The following TRAF3 variants were observed in gnomAD, a reference collection of about 807,000 sequenced individuals.
The protein encoded by TRAF3 is TNF receptor-associated factor 3.
A neutral mutation model predicts 62.3 loss-of-function variants in TRAF3; 13 were observed. That is an observed-to-expected ratio of 0.21 (90% CI 0.14 to 0.33). TRAF3 has a LOEUF of 0.33. TRAF3 is among the 10% of genes least tolerant of loss of function. The pLI is 1.00. For synonymous variants in TRAF3, 269 were observed against 283.4 expected (o/e 0.95, Z 0.51); for missense variants, 440 against 741.8 (o/e 0.59, Z 4.73).
chr14:102,873,982 G>C (rs574616929), intron 4 of TRAF3, among the ~76,000 whole-genome samples: 2 of 152,252 alleles, frequency 1.3e-5, no homozygotes, highest in East Asian at 3.9e-4. Context: ...AGAGGGAGCT[G>C]GGCATGGTGC....
intron 2 of TRAF3, among the ~76,000 whole-genome samples, chr14:102,834,494 C>T (rs756973496): frequency 2.0e-5 from 3 of 151,668 alleles, no homozygotes; most frequent in Middle Eastern, 6.8e-3. Flanking sequence ...GTCAGGAGAT[C>T]GAGACCACAG....
intron 1 of TRAF3, among the ~76,000 whole-genome samples, chr14:102,793,225 C>T (rs1056129944): frequency 1.3e-5 from 2 of 152,102 alleles, no homozygotes; most frequent in Non-Finnish European, 2.9e-5. Context: ...GATCTTGGCT[C>T]ACTGCAGCCT....
At chr14:102,811,619 A>G (rs1322096685) in intron 1 of TRAF3, among the ~76,000 whole-genome samples, 1 of 130,562 alleles carries the variant, frequency 7.7e-6, no homozygotes, top group Non-Finnish European at 1.5e-5. Context: ...CTTGTCTCAT[A>G]GTGCAAAGGC....
chr14:102,875,237 T>C (rs1237807693), intron 4 of TRAF3, among the ~76,000 whole-genome samples: 1 of 152,210 alleles, frequency 6.6e-6, no homozygotes, highest in African/African-American at 2.4e-5. Flanking sequence ...TGCACCATAA[T>C]GGCCACCTGC....
chr14:102,782,971 A>G (rs1207773812), intron 1 of TRAF3, among the ~76,000 whole-genome samples: 1 of 152,220 alleles, frequency 6.6e-6, no homozygotes, highest in Non-Finnish European at 1.5e-5. Context: ...TCCAGGAGTC[A>G]TGAGAATTGT....
At chr14:102,829,909 C>T (rs943707935) in intron 1 of TRAF3, among the ~76,000 whole-genome samples, 8 of 152,114 alleles carry the variant, frequency 5.3e-5, no homozygotes, top group Non-Finnish European at 1.2e-4. Context: ...GCAGGAGGAT[C>T]GCTTGAGCCC....
At chr14:102,805,357 T>A (rs1898706396) in intron 1 of TRAF3, among the ~76,000 whole-genome samples, 1 of 152,210 alleles carries the variant, frequency 6.6e-6, no homozygotes, top group African/African-American at 2.4e-5. Context: ...CCCAAGTGAT[T>A]TAAAGTGTGT....
At chr14:102,829,074 C>G (rs1219321623) in intron 1 of TRAF3, among the ~76,000 whole-genome samples, 1 of 152,154 alleles carries the variant, frequency 6.6e-6, no homozygotes, top group Non-Finnish European at 1.5e-5. Context: ...AGCTGCTGCT[C>G]TTCGTTTATC....
rs2139974257 is a variant in TRAF3, at chr14:102,897,249, T to C, written c.820-12T>C. ...ACTTTTGGTTACATTAATTAAAGAA[T>C]TTCTTTTTTAGGTTTCCTTGTTGCA... On this transcript the variant is annotated splice_polypyrimidine_tract_variant and intron_variant, in intron 9 of 11. Coordinates refer to ENST00000392745, the MANE Select transcript of TRAF3 (RefSeq NM_145725.3). 1 of 1,608,830 alleles carries C rather than the reference T, an allele frequency of 6.2e-7. No individual in the cohort carries two copies. Among genetic ancestry groups the C allele is most frequent in the Non-Finnish European group, 8.5e-7 (1 of 1,177,306 alleles).
intron 4 of TRAF3, among the ~76,000 whole-genome samples, chr14:102,874,058 G>A (rs1305026923): frequency 2.6e-5 from 4 of 152,142 alleles, no homozygotes; most frequent in Non-Finnish European, 5.9e-5. Flanking sequence ...TCAGGAGTTC[G>A]AGACCAGAGT....
chr14:102,824,480 C>T (rs978186020), intron 1 of TRAF3, among the ~76,000 whole-genome samples: 50 of 152,256 alleles, frequency 3.3e-4, no homozygotes, highest in African/African-American at 1.1e-3. Flanking sequence ...GCCCCAGTGG[C>T]ACCTAGAGTG....
chr14:102,896,250 G>A (rs555797966), intron 9 of TRAF3, among the ~76,000 whole-genome samples: 25 of 152,162 alleles, frequency 1.6e-4, no homozygotes, highest in African/African-American at 4.6e-4. Context: ...AAAAACGTCC[G>A]CCCCTCTGTC....
At chr14:102,847,800 C>G (rs1886810496) in intron 2 of TRAF3, among the ~76,000 whole-genome samples, 1 of 152,152 alleles carries the variant, frequency 6.6e-6, no homozygotes, top group South Asian at 2.1e-4. Context: ...CAATTTCATT[C>G]TTCAGCAGAT....
At chr14:102,794,569 T>C (rs930751125) in intron 1 of TRAF3, among the ~76,000 whole-genome samples, 1 of 152,134 alleles carries the variant, frequency 6.6e-6, no homozygotes, top group Non-Finnish European at 1.5e-5. Flanking sequence ...AGTCCTCCTA[T>C]ATTTGAGGAG....
At chr14:102,789,483 C>G (rs1372784365) in intron 1 of TRAF3, among the ~76,000 whole-genome samples, 1 of 151,784 alleles carries the variant, frequency 6.6e-6, no homozygotes, top group African/African-American at 2.4e-5. Flanking sequence ...TGTTTTGTTT[C>G]TTTTTCATGT....
intron 9 of TRAF3, chr14:102,895,187 C>A (rs1889938628): frequency 2.2e-6 from 1 of 450,208 alleles, no homozygotes; most frequent in Non-Finnish European, 4.5e-6. Flanking sequence ...TGGCCCGCTC[C>A]ACATTCGTGC....
intron 2 of TRAF3, among the ~76,000 whole-genome samples, chr14:102,851,367 G>T (rs1326862034): frequency 1.3e-5 from 2 of 152,204 alleles, no homozygotes; most frequent in Non-Finnish European, 2.9e-5. Context: ...CACTTCTGGT[G>T]ATAGGTCTGT....
At chr14:102,872,911 C>T (rs1443773484) in intron 4 of TRAF3, among the ~76,000 whole-genome samples, 1 of 152,088 alleles carries the variant, frequency 6.6e-6, no homozygotes, top group South Asian at 2.1e-4. Context: ...AGGCCAGTCT[C>T]GAACTCCTGA....
Position 102,877,414 on chromosome 14 carries a change from G to A in TRAF3, c.570+889G>A, listed in dbSNP as rs140683501. Among the ~76,000 whole-genome samples, 781 of 139,186 alleles carry A rather than the reference G, an allele frequency of 5.6e-3. 8 individuals carry two copies. Among genetic ancestry groups the A allele is most frequent in the Admixed American group, 9.5e-3 (132 of 13,884 alleles). 91.3% of individuals were successfully genotyped at this position (139,186 alleles called of 152,430 possible). A position where few individuals can be genotyped will look rare whatever the true frequency, so the allele number is the denominator to read the frequency against. ...AGATAATCCGTTCCACAGGCCTTCC[G>A]CTCAGCTCATAGATAATCCATTCCA... On this transcript the variant is annotated intron_variant, in intron 6 of 11. Coordinates refer to ENST00000392745, the MANE Select transcript of TRAF3 (RefSeq NM_145725.3).
Sources: gnomAD v4.1 joint callset for allele counts (sites outside exome capture counted in the v4.1 genomes callset) on GRCh38, gnomAD v4.1.1 for gene constraint, MANE v1.5 for transcripts, NCBI Gene and HGNC (gene_info 2026-07-23, HGNC 2026-07-21) for gene names.